The following ZC3H4 variants were observed in gnomAD, a reference collection of about 807,000 sequenced individuals.
The protein encoded by ZC3H4 is zinc finger CCCH-type containing 4.
A neutral mutation model predicts 108.3 loss-of-function variants in ZC3H4; 13 were observed. That is an observed-to-expected ratio of 0.12 (90% CI 0.08 to 0.19). ZC3H4 has a LOEUF of 0.19. Among genes scored for constraint, ZC3H4 ranks in the 10% least tolerant of loss-of-function variants. The pLI, the probability that ZC3H4 is intolerant of heterozygous loss-of-function variation, is 1.00. For missense variants in ZC3H4, 1,734 were observed against 1,838.8 expected (o/e 0.94, Z 1.04); for synonymous variants, 917 against 749.6 (o/e 1.22, Z -3.65).
chr19:47,110,996 A>C (rs1163150027), intron 2 of ZC3H4: 1 of 868,834 alleles, frequency 1.2e-6, no homozygotes. Context: ...GGGAGTGGGG[A>C]GAAGGGGTCG....
chr19:47,094,379 T>C lies in ZC3H4; in HGVS notation c.381+10A>G. On this transcript the variant is annotated intron_variant, in intron 3 of 14. Transcript: ENST00000253048. ...CAGGCAGTGGCAGTCCCAGGGGATC[T>C]CCGACCTACTTTGTGCTTGGATTTC... 1.9e-6 allele frequency: 3 copies of C among 1,613,656 alleles called. No individual in the cohort carries two copies. The East Asian group carries it at 6.7e-5, about 36-fold the overall frequency.
chr19:47,070,135 G>GT (rs1466710547), intron 13 of ZC3H4, among the ~76,000 whole-genome samples: 4 of 150,116 alleles, frequency 2.7e-5, no homozygotes, highest in African/African-American at 1.0e-4. Flanking sequence ...CCGAAACGGA[G>GT]GGGGGGGCGT....
At chr19:47,085,292 C>T (rs369981303) in intron 7 of ZC3H4, 26 bp downstream of exon 7, 1 of 1,580,594 alleles carries the variant, frequency 6.3e-7, no homozygotes, top group Non-Finnish European at 8.6e-7. Flanking sequence ...CCCCACCCAG[C>T]GTGTCCTCTC....
intron 2 of ZC3H4, among the ~76,000 whole-genome samples, chr19:47,095,316 C>T (rs1363804126): frequency 2.6e-5 from 4 of 152,192 alleles, no homozygotes; most frequent in South Asian, 2.1e-4. Context: ...CCATGAGAAC[C>T]GCTGGAAACA....
intron 5 of ZC3H4, among the ~76,000 whole-genome samples, chr19:47,086,969 G>T (rs1029145093): frequency 1.3e-5 from 2 of 148,196 alleles, no homozygotes; most frequent in African/African-American, 5.0e-5. Flanking sequence ...GGACTTCAAA[G>T]ACTTAGTTAA....
chr19:47,107,047 G>A lies in ZC3H4; in HGVS notation c.161+5377C>T, dbSNP rs112883633. 5.4e-4 allele frequency among the ~76,000 whole-genome samples: 82 copies of A among 152,202 alleles called. 1 individual carries two copies. The highest frequency in any genetic ancestry group is 1.0e-3 in the Non-Finnish European group (69 of 68,012). ...CTAATTGCAAAAGATGAACACAGGA[G>A]GTACAGTCAGCATTAAGCTCCAGAC... On this transcript the variant is annotated intron_variant, in intron 2 of 14. Transcript: ENST00000253048.
chr19:47,073,288 T>C (rs2057362205), intron 11 of ZC3H4, among the ~76,000 whole-genome samples: 1 of 149,500 alleles, frequency 6.7e-6, no homozygotes, highest in South Asian at 2.1e-4. Flanking sequence ...AAATAAATAA[T>C]GCCAGACGTG....
At chr19:47,100,794 G>A (rs2057894548) in intron 2 of ZC3H4, among the ~76,000 whole-genome samples, 1 of 152,046 alleles carries the variant, frequency 6.6e-6, no homozygotes, top group Admixed American at 6.6e-5. Context: ...CGCCTCCTGG[G>A]TTCAAGTGAT....
rs147230625 is a variant in ZC3H4 at position 47,107,095 on chromosome 19, T to C, written c.161+5329A>G. Among the ~76,000 whole-genome samples, 437 of 152,278 alleles carry C rather than the reference T, an allele frequency of 2.9e-3. 2 individuals carry two copies. Among genetic ancestry groups the C allele is most frequent in the African/African-American group, 0.01 (416 of 41,554 alleles). On this transcript the variant is annotated intron_variant, in intron 2 of 14. Transcript: ENST00000253048. ...GACAGTATGACCATTTGAGCATCCA[T>C]AAAAAGACACTGAGCAAGCAAGAAA...
Position 47,069,355 on chromosome 19 carries a change from A to G in ZC3H4, c.2147-12T>C, listed in dbSNP as rs754748927. On this transcript the variant is annotated splice_polypyrimidine_tract_variant and intron_variant, in intron 13 of 14. Coordinates refer to ENST00000253048, the MANE Select transcript of ZC3H4 (RefSeq NM_015168.2). Reference sequence around the variant, plus strand: ...GTGCCCGTAGTCCTCTGTGGCAGGGAAGAACCGAGGGTTCATGTCGGGAAG... The same window carrying G: ...GTGCCCGTAGTCCTCTGTGGCAGGGGAGAACCGAGGGTTCATGTCGGGAAG... 1 of 1,609,844 alleles carries G rather than the reference A, an allele frequency of 6.2e-7. No individual in the cohort carries two copies. The highest frequency in any genetic ancestry group is 1.1e-5 in the South Asian group (1 of 90,436).
chr19:47,088,696 G>T (rs1027222075), intron 5 of ZC3H4, among the ~76,000 whole-genome samples: 1 of 152,068 alleles, frequency 6.6e-6, no homozygotes, highest in African/African-American at 2.4e-5. Context: ...TCGCTGTGTT[G>T]CCCAGGCTGG....
chr19:47,066,702 G>A lies in ZC3H4; in HGVS notation c.3566C>T (p.Pro1189Leu), dbSNP rs561934838. The A allele has an allele frequency of 5.3e-5, 85 of 1,609,216 alleles. 2 individuals carry two copies. The highest frequency in any genetic ancestry group is 5.1e-4 in the South Asian group (46 of 90,348). Residue 1189 changes from proline (P) to leucine (L), a missense_variant, in exon 15 of 15, where the codon CCG becomes CTG. Around this residue, in one of 9 missense-constraint regions of ZC3H4, gnomAD observed 518 missense variants for 499.6 expected, o/e 1.04. Coordinates refer to ENST00000253048, the MANE Select transcript of ZC3H4 (RefSeq NM_015168.2). Reference sequence around the variant, plus strand: ...TTCCAGGGCAGACTTGCGGACGAACGGGGGCTCCTTAGCCTTGGAGGCCGA... The same window carrying A: ...TTCCAGGGCAGACTTGCGGACGAACAGGGGCTCCTTAGCCTTGGAGGCCGA... ...KSSASKAKEP[P>L]FVRKSALEQP...
chr19:47,094,611 A>G lies in ZC3H4; in HGVS notation c.162-3T>C. ...CTTCTTCCAACTCTCCATCTTCCCTACAAACAAACCCCAATCCCACCATGA... is the reference window on the plus strand; with the variant it reads ...CTTCTTCCAACTCTCCATCTTCCCTGCAAACAAACCCCAATCCCACCATGA... On this transcript the variant is annotated splice_polypyrimidine_tract_variant and splice_region_variant and intron_variant, in intron 2 of 14. Coordinates refer to ENST00000253048, the MANE Select transcript of ZC3H4 (RefSeq NM_015168.2). 2 of 1,613,782 alleles carry G rather than the reference A, an allele frequency of 1.2e-6. No individual in the cohort carries two copies. The highest frequency in any genetic ancestry group is 1.7e-6 in the Non-Finnish European group (2 of 1,179,882).
chr19:47,094,044 A>C lies in ZC3H4; in HGVS notation c.418T>G (p.Ser140Ala). Residue 140 changes from serine to alanine, a missense_variant, in exon 4 of 15, where the codon TCA (serine) becomes GCA (alanine). Transcript: ENST00000253048. ...ASSSDDFSDFSDDSDFSPSEK... is the reference protein window; with the variant it reads ...ASSSDDFSDFADDSDFSPSEK... ...CTGGGGCTGAAATCCGAGTCATCTG[A>C]GAAGTCAGAGAAGTCATCGCTAGAA... The C allele has an allele frequency of 6.2e-7, 1 of 1,614,166 alleles. No homozygotes were observed. Among genetic ancestry groups the C allele is most frequent in the South Asian group, 1.1e-5 (1 of 91,084 alleles).
Position 47,067,535 on chromosome 19 carries a change from G to A in ZC3H4, c.2733C>T (p.Gly911=). Residue 911 remains glycine (G), a synonymous_variant, in exon 15 of 15, where the codon GGC becomes GGT. Coordinates refer to ENST00000253048, the MANE Select transcript of ZC3H4 (RefSeq NM_015168.2). This position sits in a 1 kb window ranked among gnomAD's most constrained non-coding sequence, Gnocchi z 6.4. ...PEGSLHSSPV[G]PSSSKGSGPP... ...GCCCAGACCCCTTGGAACTGCTGGG[G>A]CCCACAGGGCTGGAATGAAGGCTGC... 1 of 1,597,688 alleles carries A rather than the reference G, an allele frequency of 6.3e-7. No homozygotes were observed. The highest frequency in any genetic ancestry group is 8.5e-7 in the Non-Finnish European group (1 of 1,172,064).
chr19:47,089,708 C>G (rs1311656763), intron 5 of ZC3H4, among the ~76,000 whole-genome samples: 1 of 152,018 alleles, frequency 6.6e-6, no homozygotes, highest in Non-Finnish European at 1.5e-5. Context: ...TCCCTTCTCC[C>G]CCCACAGCTG....
chr19:47,085,139 C>T lies in ZC3H4; in HGVS notation c.1024G>A (p.Gly342Ser), dbSNP rs569441611. ...SRGRGKGMGR[G>S]RGRGGSRGGM... ...CCTCGGCTGCCACCTCGGCCTCGGC[C>T]CCGACCCATTCCTTTCCCTCGACCT... Residue 342 changes from glycine (G) to serine (S), a missense_variant, in exon 8 of 15, where the codon GGC (glycine) becomes AGC (serine). Gly to Ser is a moderately conservative substitution (Grantham distance 56, BLOSUM62 0). Coordinates refer to ENST00000253048, the MANE Select transcript of ZC3H4 (RefSeq NM_015168.2). The T allele has an allele frequency of 1.1e-5, 17 of 1,613,180 alleles. No homozygotes were observed. The East Asian group carries it at 3.3e-4, about 32-fold the overall frequency.
chr19:47,075,783 G>A (rs1259695552), intron 11 of ZC3H4, among the ~76,000 whole-genome samples: 1 of 152,190 alleles, frequency 6.6e-6, no homozygotes, highest in East Asian at 1.9e-4. Flanking sequence ...GGAATCCAGA[G>A]GCTGGGTCCA....
At chr19:47,100,253 G>C (rs910364500) in intron 2 of ZC3H4, among the ~76,000 whole-genome samples, 1 of 152,160 alleles carries the variant, frequency 6.6e-6, no homozygotes. Flanking sequence ...ACCTCACGGA[G>C]GGATTTTCAG....
Sources: allele counts gnomAD v4.1 joint callset (sites outside exome capture counted in the v4.1 genomes callset), GRCh38; gene constraint gnomAD v4.1.1; regional missense constraint gnomAD v4.1.1; non-coding constraint Gnocchi (gnomAD v3.1); transcripts MANE v1.5; gene names NCBI Gene and HGNC (gene_info 2026-07-23, HGNC 2026-07-21).